CNOT1: variants seen among roughly 807,000 people sequenced by gnomAD.
CNOT1 encodes CCR4-NOT transcription complex subunit 1, also known as CCR4-associated factor 1.
Under a neutral mutation model 273.8 loss-of-function variants are expected in CNOT1, and 15 were observed. The observed-to-expected ratio is 0.05, with a 90% CI of 0.04 to 0.08. The LOEUF (loss-of-function observed/expected upper bound fraction) is 0.08. Among genes scored for constraint, CNOT1 ranks in the 10% least tolerant of loss-of-function variants. CNOT1 has a pLI of 1.00. For synonymous variants in CNOT1, 1,022 were observed against 1,005.5 expected (o/e 1.02, Z -0.31); for missense variants, 1,644 against 2,912.2 (o/e 0.56, Z 10.02).
chr16:58,575,287 A>C (rs1359612770), intron 14 of CNOT1, among the ~76,000 whole-genome samples, 158 bp from the exon 15 acceptor site: 2 of 152,228 alleles, frequency 1.3e-5, no homozygotes, highest in Non-Finnish European at 2.9e-5. Context: ...ATTCAGGGGT[A>C]ACATTAGTCA....
intron 2 of CNOT1, among the ~76,000 whole-genome samples, chr16:58,598,290 C>T (rs576610668): frequency 2.7e-5 from 4 of 150,904 alleles, no homozygotes; most frequent in Admixed American, 6.7e-5. Context: ...CCCAGCTACT[C>T]GGAAGGTTAA....
intron 1 of CNOT1, among the ~76,000 whole-genome samples, chr16:58,606,755 G>C (rs2042694807): frequency 6.6e-6 from 1 of 151,204 alleles, no homozygotes; most frequent in African/African-American, 2.4e-5. Flanking sequence ...AGTGAGCTGA[G>C]ATCAAACCAT....
At position 58,520,788 on chromosome 16, in the gene CNOT1, G is replaced by T; in HGVS notation, c.*170C>A. 1.6e-6 allele frequency: 1 copy of T among 641,820 alleles called. No homozygotes were observed. Among genetic ancestry groups the T allele is most frequent in the Non-Finnish European group, 2.6e-6 (1 of 378,618 alleles). The allele number at this position is 641,820 out of a possible 1,614,324, so 39.8% of individuals were successfully genotyped here. The stretch of plus-strand genomic sequence containing the variant: ...GTCAAAAAAATGCATTTAAACTTTG[G>T]AACGTGCCCACATAAGACAGGAGGC... On this transcript the variant is annotated 3_prime_UTR_variant, in exon 49 of 49. Coordinates refer to ENST00000317147, the MANE Select transcript of CNOT1 (RefSeq NM_016284.5).
At position 58,581,525 on chromosome 16, in the gene CNOT1, A is replaced by C. The variant is rs780067670; in HGVS notation, c.1045-10T>G. On this transcript the variant is annotated splice_polypyrimidine_tract_variant and intron_variant, in intron 10 of 48. Coordinates refer to ENST00000317147, the MANE Select transcript of CNOT1 (RefSeq NM_016284.5). ...AATTCAAACTTGGATTCTAAAAAAG[A>C]CCAAAGCAGTTTAAAATGTAATGAA... 1 of 1,605,414 alleles carries C rather than the reference A, an allele frequency of 6.2e-7. No individual in the cohort carries two copies. Among genetic ancestry groups the C allele is most frequent in the Non-Finnish European group, 8.5e-7 (1 of 1,176,604 alleles).
chr16:58,539,466 T>TACACAC (rs55998166), intron 35 of CNOT1, among the ~76,000 whole-genome samples: 9,861 of 145,578 alleles, frequency 0.068, 370 homozygotes, highest in African/African-American at 0.098. Context: ...CCCTGTCTCT[T>TACACAC]ACACACACAC....
intron 39 of CNOT1, among the ~76,000 whole-genome samples, chr16:58,534,861 C>T (rs998476024): frequency 6.6e-6 from 1 of 152,126 alleles, no homozygotes; most frequent in Non-Finnish European, 1.5e-5. Flanking sequence ...GATTTTAAAA[C>T]TCCAACAAGC....
chr16:58,557,640 A>AC (rs1567405539), intron 18 of CNOT1, among the ~76,000 whole-genome samples: 13 of 151,586 alleles, frequency 8.6e-5, no homozygotes, highest in South Asian at 8.3e-4. Flanking sequence ...CAACAACAAA[A>AC]AAAATATAGC....
At position 58,541,525 on chromosome 16, in the gene CNOT1, C is replaced by T. The variant is rs775518570; in HGVS notation, c.4776G>A (p.Thr1592=). Residue 1592 remains threonine, a synonymous_variant, in exon 34 of 49, where the codon ACG becomes ACA. Coordinates refer to ENST00000317147, the MANE Select transcript of CNOT1 (RefSeq NM_016284.5). ...FLPTNDLSQP[T]GFLAQPMKQA... is the part of the protein sequence containing the mutation. ...CCTTCATGGGCTGGGCTAAAAATCC[C>T]GTGGGCTGACTTAAGTCATTTGTAG... is the stretch of plus-strand genomic sequence containing the variant. 8.1e-6 allele frequency: 13 copies of T among 1,613,710 alleles called. No individual in the cohort carries two copies. The highest frequency in any genetic ancestry group is 1.7e-5 in the Admixed American group (1 of 60,006).
At chr16:58,551,431 T>C (rs1052422507) in intron 23 of CNOT1, among the ~76,000 whole-genome samples, 158 bp downstream of exon 23, 1 of 152,214 alleles carries the variant, frequency 6.6e-6, no homozygotes, top group Non-Finnish European at 1.5e-5. Flanking sequence ...TGTTTGCCTC[T>C]GGGAAATATA....
chr16:58,531,809 G>C (rs2039786590), intron 42 of CNOT1, 149 bp downstream of exon 42: 1 of 923,496 alleles, frequency 1.1e-6, no homozygotes, highest in Admixed American at 2.8e-5. Context: ...TCAAGTAATT[G>C]ACTTGAGTGA....
intron 1 of CNOT1, among the ~76,000 whole-genome samples, chr16:58,612,191 C>A (rs1459245559): frequency 1.3e-5 from 2 of 152,150 alleles, no homozygotes; most frequent in Non-Finnish European, 2.9e-5. Flanking sequence ...CAGCAATGTT[C>A]TACCAGCTAC....
intron 1 of CNOT1, among the ~76,000 whole-genome samples, chr16:58,611,157 G>A (rs887539599): frequency 5.3e-5 from 8 of 152,004 alleles, no homozygotes; most frequent in Admixed American, 2.0e-4. Context: ...GGCTGAGTGC[G>A]GTGGCTCATG....
chr16:58,546,207 A>G, intron 29 of CNOT1, 114 bp downstream of exon 29: 3 of 918,418 alleles, frequency 3.3e-6, no homozygotes, highest in Non-Finnish European at 5.0e-6. Flanking sequence ...ACGTATACAA[A>G]GTTTCACCAC....
intron 1 of CNOT1, among the ~76,000 whole-genome samples, chr16:58,622,004 A>G (rs2152051265): frequency 6.7e-6 from 1 of 149,540 alleles, no homozygotes; most frequent in Non-Finnish European, 1.5e-5. Flanking sequence ...CTATCAGCGT[A>G]GATTCATCAA....
chr16:58,530,412 C>T, intron 42 of CNOT1, 65 bp from the exon 43 acceptor site: 1 of 1,152,928 alleles, frequency 8.7e-7, no homozygotes, highest in Non-Finnish European at 1.3e-6. Flanking sequence ...CTACAAGTCG[C>T]CCAAGCAGCT....
Position 58,585,486 on chromosome 16 carries a change from G to A in CNOT1, c.658C>T (p.Pro220Ser). The A allele has an allele frequency of 1.2e-6, 2 of 1,612,170 alleles. No homozygotes were observed. Among genetic ancestry groups the A allele is most frequent in the Non-Finnish European group, 1.7e-6 (2 of 1,179,782 alleles). ...TATAAAAGTGGTGCGAGCACCACGG[G>A]ACAGCGTTCTTGGGGAAAATCTGAG... Reference protein sequence around the residue: ...LRRDFPQERCPVVLAPLLYPE... With the variant: ...LRRDFPQERCSVVLAPLLYPE... The change falls in exon 8 of 49, where the codon CCC becomes TCC. Residue 220 changes from proline (P) to serine (S), a missense_variant. Around this residue, in one of 13 missense-constraint regions of CNOT1, gnomAD observed 706 missense variants for 1,021.2 expected, o/e 0.69. Coordinates refer to ENST00000317147, the MANE Select transcript of CNOT1 (RefSeq NM_016284.5).
rs1597393971 is a variant in CNOT1 at position 58,525,527 on chromosome 16, G to A, written c.6604-168C>T. 1.3e-5 allele frequency: 8 copies of A among 629,306 alleles called. No homozygotes were observed. The East Asian group carries it at 2.2e-4, about 17-fold the overall frequency. 39.0% of individuals were successfully genotyped at this position (629,306 alleles called of 1,614,324 possible). ...TTAACAAACACACAGATGCTCCAAA[G>A]GTGGTTGTATCAATAAGAGAAATGT... On this transcript the variant is annotated intron_variant, in intron 45 of 48. Transcript: ENST00000317147.
At chr16:58,527,997 C>T (rs547374448) in intron 44 of CNOT1, 5 of 352,478 alleles carry the variant, frequency 1.4e-5, no homozygotes, top group Non-Finnish European at 2.8e-5. Flanking sequence ...CCTGTAATCC[C>T]AGCTACTTGG....
chr16:58,558,446 CCATGCTCT>C lies in CNOT1; in HGVS notation c.2332+19_2332+26del. 6.2e-7 allele frequency: 1 copy of C among 1,612,614 alleles called. No homozygotes were observed. Among genetic ancestry groups the C allele is most frequent in the Non-Finnish European group, 8.5e-7 (1 of 1,179,766 alleles). ...TAACTAAGGCAAACTTATGAATAAT[CCATGCTCT>C]CATTTGCCTCCCCCTTACCTGGAAG... On this transcript the variant is annotated intron_variant, in intron 18 of 48. Transcript: ENST00000317147.
Sources: allele counts gnomAD v4.1 joint callset (sites outside exome capture counted in the v4.1 genomes callset), GRCh38; gene constraint gnomAD v4.1.1; regional missense constraint gnomAD v4.1.1; transcripts MANE v1.5; gene names NCBI Gene and HGNC (gene_info 2026-07-23, HGNC 2026-07-21).